TEC: variants seen among roughly 807,000 people sequenced by gnomAD.
TEC encodes tec protein tyrosine kinase.
A neutral mutation model predicts 93.0 loss-of-function variants in TEC; 72 were observed. That is an observed-to-expected ratio of 0.77 (90% CI 0.64 to 0.94). The LOEUF is 0.94. TEC is among the 40% of genes least tolerant of loss of function. The pLI, the probability that TEC is intolerant of heterozygous loss-of-function variation, is 0.00. For synonymous variants in TEC, 249 were observed against 247.7 expected (o/e 1.01, Z -0.05); for missense variants, 630 against 757.9 (o/e 0.83, Z 1.98).
chr4:48,171,286 C>A (rs566614383), intron 4 of TEC, 82 bp downstream of exon 4: 10 of 1,090,434 alleles, frequency 9.2e-6, no homozygotes, highest in Admixed American at 7.1e-5. Context: ...GCAATAGATA[C>A]ATTAGCTGTA....
intron 7 of TEC, among the ~76,000 whole-genome samples, chr4:48,166,337 T>G (rs1720872988): frequency 6.6e-6 from 1 of 152,196 alleles, no homozygotes; most frequent in Non-Finnish European, 1.5e-5. Context: ...GAAAGGGTAT[T>G]TGTCAAGTTG....
At chr4:48,148,930 T>C (rs1363633469) in intron 11 of TEC, among the ~76,000 whole-genome samples, 1 of 125,452 alleles carries the variant, frequency 8.0e-6, no homozygotes, top group Non-Finnish European at 1.9e-5. Context: ...TAGTATTTGG[T>C]TTTCTGTTCC....
At chr4:48,159,311 C>A (rs1271340955) in intron 8 of TEC, among the ~76,000 whole-genome samples, 1 of 152,182 alleles carries the variant, frequency 6.6e-6, no homozygotes, top group Non-Finnish European at 1.5e-5. Context: ...CTTCCACTCA[C>A]GTCCGAAGAT....
intron 2 of TEC, among the ~76,000 whole-genome samples, chr4:48,200,906 C>G (rs1722483024): frequency 6.6e-6 from 1 of 152,226 alleles, no homozygotes; most frequent in African/African-American, 2.4e-5. Context: ...CAGTTCTAGA[C>G]AGCCCACTTC....
chr4:48,225,209 T>C (rs1486304870), intron 2 of TEC, among the ~76,000 whole-genome samples: 1 of 152,160 alleles, frequency 6.6e-6, no homozygotes, highest in East Asian at 1.9e-4. Context: ...GGAGTCTCGC[T>C]CTGTTACCCA....
intron 9 of TEC, among the ~76,000 whole-genome samples, chr4:48,153,187 A>C (rs1459641441): frequency 6.6e-6 from 1 of 152,136 alleles, no homozygotes; most frequent in African/African-American, 2.4e-5. Flanking sequence ...TGTAATATCA[A>C]TGTAAATTAT....
intron 2 of TEC, among the ~76,000 whole-genome samples, chr4:48,205,133 G>A (rs1318546143): frequency 6.6e-6 from 1 of 152,218 alleles, no homozygotes; most frequent in African/African-American, 2.4e-5. Flanking sequence ...TGCCTCAGAA[G>A]ACTGTGGTCA....
At chr4:48,159,206 T>C (rs1179723598) in intron 8 of TEC, among the ~76,000 whole-genome samples, 10 of 152,152 alleles carry the variant, frequency 6.6e-5, no homozygotes, top group African/African-American at 2.4e-4. Flanking sequence ...GGCTGGCTAA[T>C]TTATAAAGAG....
intron 1 of TEC, among the ~76,000 whole-genome samples, chr4:48,264,135 A>G (rs888728282): frequency 1.3e-5 from 2 of 152,230 alleles, no homozygotes; most frequent in South Asian, 2.1e-4. Context: ...TAGCAAAAAC[A>G]TTTTGGTGGA....
chr4:48,150,866 C>T lies in TEC; in HGVS notation c.869G>A (p.Gly290Glu), dbSNP rs759030525. The T allele has an allele frequency of 1.3e-6, 2 of 1,530,260 alleles. No homozygotes were observed. The highest frequency in any genetic ancestry group is 2.7e-5 in the South Asian group (2 of 73,016). The allele number at this position is 1,530,260 out of a possible 1,614,324, so 94.8% of individuals were successfully genotyped here. A position where few individuals can be genotyped will look rare whatever the true frequency, so the allele number is the denominator to read the frequency against. The change falls in exon 10 of 18, where the codon GGA becomes GAA. Residue 290 changes from glycine to glutamate, a missense_variant. Gly to Glu is a moderately conservative substitution (Grantham distance 98). This residue lies in a region of TEC where 335 missense variants were observed against 351.5 expected (regional missense o/e 0.95). Coordinates refer to ENST00000381501, the MANE Select transcript of TEC (RefSeq NM_003215.3). ...LYTVSLYTKF[G>E]GEGSSGFRHY... Reference sequence around the variant, plus strand: ...AAAAAATGGCAGGATTACTCACCCTCCAAACTTGGTATAAAGGGAGACTGT... The same window carrying T: ...AAAAAATGGCAGGATTACTCACCCTTCAAACTTGGTATAAAGGGAGACTGT...
At chr4:48,141,536 G>T in intron 14 of TEC, 117 bp from the exon 15 acceptor site, 1 of 972,908 alleles carries the variant, frequency 1.0e-6, no homozygotes, top group South Asian at 1.6e-5. Flanking sequence ...GCAGAGAGTG[G>T]AAACACCCTT....
intron 2 of TEC, among the ~76,000 whole-genome samples, chr4:48,216,244 G>GAAAAA (rs11332952): frequency 7.3e-6 from 1 of 136,312 alleles, no homozygotes. Context: ...TACGCCCCAG[G>GAAAAA]AAAAAAAAAA....
chr4:48,258,056 A>G (rs1438586676), intron 1 of TEC, among the ~76,000 whole-genome samples: 1 of 152,088 alleles, frequency 6.6e-6, no homozygotes, highest in Non-Finnish European at 1.5e-5. Context: ...AGACTTTATA[A>G]TATCTGAATC....
chr4:48,181,699 A>C (rs1295088696), intron 2 of TEC, among the ~76,000 whole-genome samples: 2 of 110,494 alleles, frequency 1.8e-5, no homozygotes, highest in East Asian at 4.2e-4. Flanking sequence ...AAAAAAGAAA[A>C]AGAAAAGAAT....
At chr4:48,206,609 TAC>T (rs1458196548) in intron 2 of TEC, among the ~76,000 whole-genome samples, 1 of 151,926 alleles carries the variant, frequency 6.6e-6, no homozygotes, top group African/African-American at 2.4e-5. Context: ...GAAATACCAC[TAC>T]ACACACACCA....
chr4:48,223,989 A>G (rs955338725), intron 2 of TEC, among the ~76,000 whole-genome samples: 16 of 152,210 alleles, frequency 1.1e-4, no homozygotes, highest in Non-Finnish European at 1.8e-4. Context: ...CTACTAGGAT[A>G]AGATTCTTGG....
chr4:48,165,024 A>AAAAAG (rs908417284), intron 7 of TEC, among the ~76,000 whole-genome samples: 22 of 152,176 alleles, frequency 1.4e-4, no homozygotes, highest in Non-Finnish European at 1.5e-5. Flanking sequence ...AAAAAGAAAG[A>AAAAAG]AAAAGAAAAG....
At chr4:48,164,053 TC>T (rs1720782086) in intron 7 of TEC, among the ~76,000 whole-genome samples, 1 of 152,130 alleles carries the variant, frequency 6.6e-6, no homozygotes, top group Admixed American at 6.5e-5. Context: ...TTCCCAAAGG[TC>T]CTAAAGTTAG....
rs76790225 is a variant in TEC, at chr4:48,184,645, G to T, written c.139-8459C>A. ...TCATTTTGCACCACTGAATTGTTTT[G>T]TGTTCAGTCTGTCTGTGTTCTTTCT... On this transcript the variant is annotated intron_variant, in intron 2 of 17. Transcript: ENST00000381501. Among the ~76,000 whole-genome samples, 901 of 151,968 alleles carry T rather than the reference G, an allele frequency of 5.9e-3. 10 individuals are homozygous for T. The highest frequency in any genetic ancestry group is 0.021 in the African/African-American group (875 of 41,428).
Sources: allele counts gnomAD v4.1 joint callset (sites outside exome capture counted in the v4.1 genomes callset), GRCh38; gene constraint gnomAD v4.1.1; regional missense constraint gnomAD v4.1.1; transcripts MANE v1.5; gene names NCBI Gene and HGNC (gene_info 2026-07-23, HGNC 2026-07-21).